HS3ST4: variants seen among roughly 807,000 people sequenced by gnomAD.
HS3ST4 encodes heparan sulfate-glucosamine 3-sulfotransferase 4, also known as heparan sulfate glucosamine 3-O-sulfotransferase 4.
HS3ST4 carries 17 observed loss-of-function variants against 29.2 expected under a neutral mutation model. That is an observed-to-expected ratio of 0.58 (90% CI 0.40 to 0.87). The LOEUF is 0.87. Among genes scored for constraint, HS3ST4 ranks in the 40% least tolerant of loss-of-function variants. The pLI is 0.00. For synonymous variants in HS3ST4, 314 were observed against 285.7 expected (o/e 1.10, Z -1.00); for missense variants, 627 against 634.5 (o/e 0.99, Z 0.13).
At chr16:26,108,429 A>T (rs1348688237) in intron 1 of HS3ST4, among the ~76,000 whole-genome samples, 1 of 152,244 alleles carries the variant, frequency 6.6e-6, no homozygotes. Flanking sequence ...ACTACATCAT[A>T]AATCATGTGT....
chr16:25,766,622 A>G (rs1281754270), intron 1 of HS3ST4, among the ~76,000 whole-genome samples: 2 of 152,242 alleles, frequency 1.3e-5, no homozygotes, highest in Non-Finnish European at 2.9e-5. Context: ...ACCAAGAAAT[A>G]TTTATTGAAT....
In HS3ST4 at chr16:25,914,586, G is replaced by T. The variant is rs191357703; in HGVS notation, c.735-221026G>T. On this transcript the variant is annotated intron_variant, in intron 1 of 1. Transcript: ENST00000331351. ...ATGTGGTTGGATGTGGTGTCTGTGG[G>T]GAGTATGTGTATGGTGTGTGTAGGG... Among the ~76,000 whole-genome samples, 7 of 149,024 alleles carry T rather than the reference G, an allele frequency of 4.7e-5. No homozygotes were observed. In the East Asian group the frequency reaches 1.4e-3, roughly 31 times the overall value.
intron 1 of HS3ST4, among the ~76,000 whole-genome samples, chr16:25,983,981 A>G (rs1969036273): frequency 1.3e-5 from 2 of 151,980 alleles, no homozygotes; most frequent in African/African-American, 4.8e-5. Context: ...GTACAGATTC[A>G]TGGGGCAGTG....
chr16:26,080,408 GT>G (rs1898711668), intron 1 of HS3ST4, among the ~76,000 whole-genome samples: 1 of 152,130 alleles, frequency 6.6e-6, no homozygotes, highest in Non-Finnish European at 1.5e-5. Flanking sequence ...ATAGCTAAAA[GT>G]TTTAGGGACC....
At chr16:25,991,200 G>A (rs1969110789) in intron 1 of HS3ST4, among the ~76,000 whole-genome samples, 1 of 152,186 alleles carries the variant, frequency 6.6e-6, no homozygotes, top group Non-Finnish European at 1.5e-5. Context: ...AGGGAACTCG[G>A]GCAGCAGATG....
chr16:25,988,635 C>T (rs1452977541), intron 1 of HS3ST4, among the ~76,000 whole-genome samples: 1 of 152,050 alleles, frequency 6.6e-6, no homozygotes, highest in Admixed American at 6.5e-5. Flanking sequence ...ACCACATGTT[C>T]TCACTTATGA....
At chr16:25,738,470 C>G (rs1187393648) in intron 1 of HS3ST4, among the ~76,000 whole-genome samples, 2 of 152,120 alleles carry the variant, frequency 1.3e-5, no homozygotes, top group Non-Finnish European at 2.9e-5. Context: ...ATTGCCTGTC[C>G]TTTTGGGAAG....
At chr16:26,086,548 G>A (rs1451832002) in intron 1 of HS3ST4, among the ~76,000 whole-genome samples, 11 of 151,624 alleles carry the variant, frequency 7.3e-5, no homozygotes, top group African/African-American at 2.2e-4. Flanking sequence ...GCGGGGTTTC[G>A]CCGTATTAGC....
chr16:25,700,947 T>C (rs1966330391), intron 1 of HS3ST4, among the ~76,000 whole-genome samples: 1 of 152,240 alleles, frequency 6.6e-6, no homozygotes. Flanking sequence ...ACAATATTTT[T>C]TTCAGTTGCA....
chr16:26,010,349 G>C (rs1220850343), intron 1 of HS3ST4, among the ~76,000 whole-genome samples: 1 of 152,124 alleles, frequency 6.6e-6, no homozygotes, highest in African/African-American at 2.4e-5. Flanking sequence ...AGCTCCTGGG[G>C]AGGCTGAGGT....
intron 1 of HS3ST4, among the ~76,000 whole-genome samples, chr16:25,884,748 T>C (rs1466099535): frequency 1.3e-5 from 2 of 152,170 alleles, no homozygotes; most frequent in African/African-American, 2.4e-5. Context: ...GTATTTTCAA[T>C]AGTGATGGGG....
At chr16:25,982,919 C>T (rs933249580) in intron 1 of HS3ST4, among the ~76,000 whole-genome samples, 3 of 152,208 alleles carry the variant, frequency 2.0e-5, no homozygotes, top group African/African-American at 7.2e-5. Flanking sequence ...GAAACAACCT[C>T]TTACTTATTT....
intron 1 of HS3ST4, among the ~76,000 whole-genome samples, chr16:25,829,582 C>T (rs1176115119): frequency 1.3e-5 from 2 of 152,000 alleles, no homozygotes; most frequent in Non-Finnish European, 2.9e-5. Flanking sequence ...TGCCCCGACC[C>T]TGCAACAGGC....
chr16:25,748,158 CTCCCCAGAG>C (rs1467233593), intron 1 of HS3ST4, among the ~76,000 whole-genome samples: 1 of 152,074 alleles, frequency 6.6e-6, no homozygotes, highest in African/African-American at 2.4e-5. Context: ...GCATTGAGCT[CTCCCCAGAG>C]CTGCTGCATC....
intron 1 of HS3ST4, among the ~76,000 whole-genome samples, chr16:25,924,535 T>C (rs1461346826): frequency 2.0e-5 from 3 of 152,238 alleles, no homozygotes; most frequent in Admixed American, 2.0e-4. Flanking sequence ...TTGGTACTTG[T>C]TGTATACCAG....
chr16:25,822,917 T>C (rs1967176579), intron 1 of HS3ST4, among the ~76,000 whole-genome samples: 1 of 152,112 alleles, frequency 6.6e-6, no homozygotes, highest in Non-Finnish European at 1.5e-5. Flanking sequence ...TTTATATTTT[T>C]AGTAGAGAAA....
chr16:26,078,299 T>C (rs3924880), intron 1 of HS3ST4, among the ~76,000 whole-genome samples: 89,111 of 151,816 alleles, frequency 0.59, 26,781 homozygotes, highest in Middle Eastern at 0.69. Flanking sequence ...CACGACCACA[T>C]CCAGATAGTT....
At chr16:25,766,561 T>G (rs905044621) in intron 1 of HS3ST4, among the ~76,000 whole-genome samples, 1 of 152,222 alleles carries the variant, frequency 6.6e-6, no homozygotes, top group Non-Finnish European at 1.5e-5. Flanking sequence ...GTTTATATAT[T>G]ATCAATTATT....
intron 1 of HS3ST4, among the ~76,000 whole-genome samples, chr16:25,818,198 T>G (rs564905294): frequency 2.6e-5 from 4 of 152,326 alleles, no homozygotes; most frequent in African/African-American, 9.6e-5. Context: ...ATGTTGAAAT[T>G]TAATCTCCAG....
Sources: gnomAD v4.1 joint callset for allele counts (sites outside exome capture counted in the v4.1 genomes callset) on GRCh38, gnomAD v4.1.1 for gene constraint, MANE v1.5 for transcripts, NCBI Gene and HGNC (gene_info 2026-07-23, HGNC 2026-07-21) for gene names.